The following UNC5B variants were observed in gnomAD, a reference collection of about 807,000 sequenced individuals.
The protein encoded by UNC5B is netrin receptor UNC5B.
A neutral mutation model predicts 103.7 loss-of-function variants in UNC5B; 56 were observed. The ratio of observed to expected loss-of-function variants is 0.54; its 90% CI spans 0.44 to 0.67. The LOEUF (loss-of-function observed/expected upper bound fraction) is 0.67. Among genes scored for constraint, UNC5B ranks in the 30% least tolerant of loss-of-function variants. The pLI, the probability that UNC5B is intolerant of heterozygous loss-of-function variation, is 0.00. For missense variants in UNC5B, 1,194 were observed against 1,284.5 expected (o/e 0.93, Z 1.08); for synonymous variants, 577 against 542.0 (o/e 1.06, Z -0.90).
intron 1 of UNC5B, among the ~76,000 whole-genome samples, chr10:71,216,920 G>A (rs978117843): frequency 6.6e-6 from 1 of 152,214 alleles, no homozygotes; most frequent in Non-Finnish European, 1.5e-5. Flanking sequence ...CAGGCAGCCC[G>A]TCTTTTGACC....
chr10:71,276,247 C>T (rs548973510), intron 1 of UNC5B, among the ~76,000 whole-genome samples: 2 of 152,162 alleles, frequency 1.3e-5, no homozygotes, highest in Non-Finnish European at 2.9e-5. Flanking sequence ...TATTATGGAG[C>T]TCATTGAGTT....
chr10:71,236,005 C>T (rs887475904), intron 1 of UNC5B, among the ~76,000 whole-genome samples: 23 of 152,216 alleles, frequency 1.5e-4, no homozygotes, highest in Non-Finnish European at 3.1e-4. Flanking sequence ...CGCTGTGTGA[C>T]GTTAGGCAAG....
At chr10:71,246,094 C>T (rs1294061882) in intron 1 of UNC5B, among the ~76,000 whole-genome samples, 4 of 152,072 alleles carry the variant, frequency 2.6e-5, no homozygotes, top group South Asian at 2.1e-4. Flanking sequence ...GGTGGCTTAG[C>T]TGGGAAACAA....
chr10:71,275,533 T>C (rs904269760), intron 1 of UNC5B, among the ~76,000 whole-genome samples: 1 of 152,214 alleles, frequency 6.6e-6, no homozygotes, highest in African/African-American at 2.4e-5. Context: ...ATAGTAGACC[T>C]AAATGCCCAT....
chr10:71,299,174 C>A lies in UNC5B; in HGVS notation c.2735C>A (p.Ala912Asp). The A allele has an allele frequency of 6.2e-7, 1 of 1,614,246 alleles. No individual in the cohort carries two copies. Among genetic ancestry groups the A allele is most frequent in the Non-Finnish European group, 8.5e-7 (1 of 1,180,052 alleles). ...PTGVILDLWE[A>D]LQQDDGDLNS... Reference sequence around the variant, plus strand: ...GGTGTGATCCTGGACCTCTGGGAAGCTCTGCAGCAGGACGATGGGGACCTC... The same window carrying A: ...GGTGTGATCCTGGACCTCTGGGAAGATCTGCAGCAGGACGATGGGGACCTC... The change falls in exon 17 of 17, where the codon GCT becomes GAT. Residue 912 changes from alanine (A) to aspartate (D), a missense_variant. Physicochemically the swap from Ala to Asp is moderately radical, Grantham distance 126. Coordinates refer to ENST00000335350, the MANE Select transcript of UNC5B (RefSeq NM_170744.5).
At chr10:71,291,276 G>A (rs1313059458) in intron 9 of UNC5B, among the ~76,000 whole-genome samples, 156 bp from the exon 10 acceptor site, 4 of 152,118 alleles carry the variant, frequency 2.6e-5, no homozygotes, top group African/African-American at 9.7e-5. Context: ...TACCGAGAAG[G>A]AAGGGAGTGA....
At chr10:71,280,072 C>T in intron 2 of UNC5B, 27 bp downstream of exon 2, 1 of 1,606,708 alleles carries the variant, frequency 6.2e-7, no homozygotes, top group Non-Finnish European at 8.5e-7. Context: ...TGCCTGGGCA[C>T]CCCAGGACAC....
intron 1 of UNC5B, among the ~76,000 whole-genome samples, chr10:71,246,722 AG>A: frequency 6.6e-6 from 1 of 152,344 alleles, no homozygotes; most frequent in East Asian, 1.9e-4. Flanking sequence ...TTTCAGAGCC[AG>A]CCACATTCTT....
intron 3 of UNC5B, 54 bp downstream of exon 3, chr10:71,284,917 G>A (rs10999762): frequency 0.75 from 1,156,977 of 1,533,082 alleles, 440,308 homozygotes; most frequent in Non-Finnish European, 0.78. Context: ...CCATCCCTGA[G>A]GATGCTGGAG....
chr10:71,286,804 A>G lies in UNC5B; in HGVS notation c.668A>G (p.Tyr223Cys). Residue 223 changes from tyrosine (Y) to cysteine (C), a missense_variant, in exon 5 of 17, where the codon TAT becomes TGT. Physicochemically the swap from Tyr to Cys is radical, Grantham distance 194 (BLOSUM62 -2). Transcript: ENST00000335350. ...RQARLSDTANYTCVAKNIVAK... is the reference protein window; with the variant it reads ...RQARLSDTANCTCVAKNIVAK... Reference sequence around the variant, plus strand: ...GCCCGCCTGTCGGACACTGCCAACTATACCTGCGTGGCCAAGAACATCGTG... The same window carrying G: ...GCCCGCCTGTCGGACACTGCCAACTGTACCTGCGTGGCCAAGAACATCGTG... The G allele has an allele frequency of 6.2e-7, 1 of 1,614,126 alleles. No individual in the cohort carries two copies. The highest frequency in any genetic ancestry group is 8.5e-7 in the Non-Finnish European group (1 of 1,180,028).
chr10:71,263,273 C>T (rs1445843455), intron 1 of UNC5B, among the ~76,000 whole-genome samples: 1 of 152,248 alleles, frequency 6.6e-6, no homozygotes, highest in Non-Finnish European at 1.5e-5. Flanking sequence ...AGGCTAGTCA[C>T]ACCCTCTGTG....
At position 71,290,292 on chromosome 10, in the gene UNC5B, G is replaced by A. The variant is rs372231864; in HGVS notation, c.1100-623G>A. Among the ~76,000 whole-genome samples, 19 of 152,246 alleles carry A rather than the reference G, an allele frequency of 1.2e-4. No individual in the cohort carries two copies. The South Asian group carries it at 3.9e-3, about 32-fold the overall frequency. On this transcript the variant is annotated intron_variant, in intron 8 of 16. Transcript: ENST00000335350. Reference sequence around the variant, plus strand: ...ACCTTGAGGCTTCCCGCCTGGCCATGTTTGCCTGGGGGAGGAAAGTGTAGC... The same window carrying A: ...ACCTTGAGGCTTCCCGCCTGGCCATATTTGCCTGGGGGAGGAAAGTGTAGC...
rs192654659 is a variant in UNC5B, at chr10:71,296,754, C to T, written c.2490+12C>T. Reference sequence around the variant, plus strand: ...CCACTCTGGCAGAGGTGAGGGAAGTCGGGGCCACATATTCCAGCTGCACAC... The same window carrying T: ...CCACTCTGGCAGAGGTGAGGGAAGTTGGGGCCACATATTCCAGCTGCACAC... On this transcript the variant is annotated intron_variant, in intron 15 of 16. Coordinates refer to ENST00000335350, the MANE Select transcript of UNC5B (RefSeq NM_170744.5). 12 of 1,589,814 alleles carry T rather than the reference C, an allele frequency of 7.5e-6. No individual in the cohort carries two copies. The Admixed American group carries it at 7.6e-5, about 10-fold the overall frequency.
At chr10:71,257,406 C>T (rs1415352448) in intron 1 of UNC5B, among the ~76,000 whole-genome samples, 2 of 152,250 alleles carry the variant, frequency 1.3e-5, no homozygotes, top group Non-Finnish European at 2.9e-5. Context: ...TCTCAGGACC[C>T]CTGGCACCTC....
At chr10:71,291,243 T>C in intron 9 of UNC5B, 134 bp downstream of exon 9, 1 of 1,315,222 alleles carries the variant, frequency 7.6e-7, no homozygotes, top group Non-Finnish European at 1.0e-6. Flanking sequence ...GATAACTATG[T>C]GGATGGGTAT....
chr10:71,265,499 C>T (rs939989003), intron 1 of UNC5B, among the ~76,000 whole-genome samples: 3 of 152,188 alleles, frequency 2.0e-5, no homozygotes, highest in Admixed American at 1.3e-4. Flanking sequence ...AACTTTTCTC[C>T]GCCGCTTTCT....
intron 1 of UNC5B, among the ~76,000 whole-genome samples, chr10:71,227,982 A>T (rs1436569153): frequency 1.3e-5 from 2 of 152,224 alleles, no homozygotes; most frequent in African/African-American, 4.8e-5. Context: ...CTCTGTAATT[A>T]AAACAGTGTG....
At chr10:71,287,330 C>A (rs79735719) in intron 5 of UNC5B, among the ~76,000 whole-genome samples, 8,897 of 152,246 alleles carry the variant, frequency 0.058, 343 homozygotes, top group South Asian at 0.089. Flanking sequence ...CCAGGGTGAC[C>A]CTGGGGAAGT....
intron 1 of UNC5B, among the ~76,000 whole-genome samples, chr10:71,223,815 G>C (rs906184876): frequency 3.3e-5 from 5 of 151,622 alleles, no homozygotes; most frequent in African/African-American, 1.2e-4. Flanking sequence ...ACAACTGGCC[G>C]TGAGGCCTGA....
Sources: allele counts gnomAD v4.1 joint callset (sites outside exome capture counted in the v4.1 genomes callset), GRCh38; gene constraint gnomAD v4.1.1; transcripts MANE v1.5; gene names NCBI Gene and HGNC (gene_info 2026-07-23, HGNC 2026-07-21).